Variants in RGS6 observed in about 807,000 individuals in gnomAD.
RGS6 encodes the protein regulator of G-protein signaling 6.
A neutral mutation model predicts 78.5 loss-of-function variants in RGS6; 30 were observed. The observed-to-expected ratio is 0.38, with a 90% CI of 0.29 to 0.52. RGS6 has a LOEUF of 0.52. Ranked by LOEUF, RGS6 falls within the 20% of genes least tolerant of loss-of-function variation. The pLI is 0.85. For missense variants in RGS6, 495 were observed against 609.7 expected, an observed-to-expected ratio of 0.81 and a Z score of 1.98; for synonymous variants, 206 against 206.0, an observed-to-expected ratio of 1.00 and a Z score of 0.00.
the RGS6 span, among the ~76,000 whole-genome samples, chr14:72,629,387 C>T: frequency 1.3e-5 from 2 of 152,166 alleles, no homozygotes; most frequent in African/African-American, 4.8e-5. Context: ...AACATTTAGA[C>T]CAAATGAGAT....
chr14:72,401,602 T>C (rs1223404224), intron 3 of RGS6, among the ~76,000 whole-genome samples: 6 of 150,786 alleles, frequency 4.0e-5, no homozygotes. Context: ...CTAGCAAGTT[T>C]GGGATTTCCA....
intron 1 of RGS6, among the ~76,000 whole-genome samples, chr14:71,935,527 G>A (rs201572499): frequency 1.3e-5 from 2 of 152,158 alleles, no homozygotes; most frequent in East Asian, 1.9e-4. Flanking sequence ...GTTTTTACTG[G>A]TGGTCCTTAT....
chr14:72,158,214 A>G (rs901574274), intron 2 of RGS6, among the ~76,000 whole-genome samples: 3 of 152,190 alleles, frequency 2.0e-5, no homozygotes, highest in African/African-American at 4.8e-5. Flanking sequence ...CCGCGAGGGC[A>G]GGGTCTATTC....
intron 2 of RGS6, among the ~76,000 whole-genome samples, chr14:72,164,414 A>G (rs949496165): frequency 1.3e-5 from 2 of 152,186 alleles, no homozygotes; most frequent in Non-Finnish European, 2.9e-5. Context: ...CTGCCTGGCC[A>G]GCCATGAGGT....
chr14:72,466,959 A>T (rs913854595), intron 7 of RGS6, among the ~76,000 whole-genome samples: 3 of 152,124 alleles, frequency 2.0e-5, no homozygotes, highest in Non-Finnish European at 2.9e-5. Context: ...ATAAGACAAG[A>T]TGTGTGTCAC....
chr14:72,581,794 C>T, the RGS6 span, among the ~76,000 whole-genome samples: 2 of 152,344 alleles, frequency 1.3e-5, no homozygotes, highest in Middle Eastern at 3.4e-3. Flanking sequence ...TTCTCTGATT[C>T]CTCTTTCCTC....
chr14:71,919,062 AAAGAG>A, the RGS6 span, among the ~76,000 whole-genome samples: 3 of 152,266 alleles, frequency 2.0e-5, no homozygotes, highest in Non-Finnish European at 4.4e-5. Context: ...GGTAAACAGA[AAAGAG>A]AAAAGAGCTT....
chr14:71,917,200 C>T, the RGS6 span, among the ~76,000 whole-genome samples: 1 of 152,162 alleles, frequency 6.6e-6, no homozygotes, highest in African/African-American at 2.4e-5. Context: ...TTAGATACTT[C>T]TTTTAACTCA....
At chr14:72,171,861 C>A (rs967776871) in intron 2 of RGS6, among the ~76,000 whole-genome samples, 12 of 152,108 alleles carry the variant, frequency 7.9e-5, no homozygotes, top group African/African-American at 1.2e-4. Flanking sequence ...TGTTATTATA[C>A]CACTTTGCTG....
the RGS6 span, among the ~76,000 whole-genome samples, chr14:72,587,802 T>TGG: frequency 2.6e-5 from 4 of 152,168 alleles, no homozygotes; most frequent in Non-Finnish European, 5.9e-5. Flanking sequence ...GGTAAAACCT[T>TGG]GGGGCACAAC....
chr14:72,330,793 A>G (rs368218787), intron 2 of RGS6, among the ~76,000 whole-genome samples: 6 of 152,054 alleles, frequency 3.9e-5, no homozygotes, highest in Non-Finnish European at 8.8e-5. Context: ...TAACACTGGG[A>G]TGAGGGTTCC....
intron 2 of RGS6, among the ~76,000 whole-genome samples, chr14:72,251,315 A>G (rs1208289698): frequency 6.6e-6 from 1 of 152,146 alleles, no homozygotes; most frequent in Non-Finnish European, 1.5e-5. Context: ...CCAGTGGTTA[A>G]TCTTTCTTGT....
At chr14:72,466,425 C>G (rs1330052519) in intron 7 of RGS6, among the ~76,000 whole-genome samples, 1 of 152,214 alleles carries the variant, frequency 6.6e-6, no homozygotes, top group Non-Finnish European at 1.5e-5. Flanking sequence ...ACACAAACAC[C>G]TATAAACTAA....
At chr14:72,387,465 C>T (rs952008394) in intron 3 of RGS6, among the ~76,000 whole-genome samples, 8 of 151,654 alleles carry the variant, frequency 5.3e-5, no homozygotes, top group East Asian at 3.9e-4. Context: ...AGGAGAATGG[C>T]GTGAACCCAG....
intron 2 of RGS6, among the ~76,000 whole-genome samples, chr14:72,218,479 G>T (rs1255593082): frequency 6.6e-6 from 1 of 151,984 alleles, no homozygotes; most frequent in African/African-American, 2.4e-5. Flanking sequence ...AAATTAATAT[G>T]TTGTATCAGT....
At chr14:71,873,900 T>A in the RGS6 span, among the ~76,000 whole-genome samples, 1,319 of 152,338 alleles carry the variant, frequency 8.7e-3, 13 homozygotes, top group Middle Eastern at 0.024. Context: ...AAATTGGGAA[T>A]CCTTTCCCCA....
chr14:72,310,504 G>A (rs1385122126), intron 2 of RGS6, among the ~76,000 whole-genome samples: 3 of 152,194 alleles, frequency 2.0e-5, no homozygotes, highest in Non-Finnish European at 4.4e-5. Context: ...TGAGGCTAGT[G>A]TCTGCCGTTA....
intron 2 of RGS6, among the ~76,000 whole-genome samples, chr14:72,233,137 G>A (rs1373232527): frequency 4.6e-5 from 7 of 152,206 alleles, no homozygotes; most frequent in Non-Finnish European, 7.3e-5. Context: ...GTTCATCCTA[G>A]TCAGGTCCTT....
intron 2 of RGS6, among the ~76,000 whole-genome samples, chr14:72,180,752 A>G (rs2097163401): frequency 1.3e-5 from 2 of 152,176 alleles, no homozygotes; most frequent in Non-Finnish European, 2.9e-5. Context: ...CGATGCTGTT[A>G]TCATGGGAAT....
Sources: gnomAD v4.1 joint callset for allele counts (sites outside exome capture counted in the v4.1 genomes callset) on GRCh38, gnomAD v4.1.1 for gene constraint, MANE v1.5 for transcripts, NCBI Gene and HGNC (gene_info 2026-07-23, HGNC 2026-07-21) for gene names.